KANK1: variants seen among roughly 807,000 people sequenced by gnomAD.
KANK1 encodes the protein KN motif and ankyrin repeat domains 1, also known as KN motif and ankyrin repeat domain-containing protein 1.
In KANK1, 109 loss-of-function variants were observed where a neutral mutation model predicts 106.2. The observed-to-expected ratio is 1.03, with a 90% confidence interval of 0.88 to 1.20. KANK1 has a LOEUF of 1.20. KANK1 is among the 50% of genes most tolerant of loss of function. The pLI is 0.00. For missense variants in KANK1, 2,399 were observed against 1,710.7 expected, an observed-to-expected ratio of 1.40 and a Z score of -7.10; for synonymous variants, 873 against 652.2, an observed-to-expected ratio of 1.34 and a Z score of -5.16.
chr9:744,963 G>T lies in KANK1; in HGVS notation c.3997-210G>T, dbSNP rs1312163810. The T allele has an allele frequency of 8.2e-6, 12 of 1,464,408 alleles. 1 individual carries two copies. The highest frequency in any genetic ancestry group is 2.9e-5 in the South Asian group (2 of 69,814). The allele number at this position is 1,464,408 out of a possible 1,614,324, so 90.7% of individuals were successfully genotyped here. On this transcript the variant is annotated intron_variant, in intron 11 of 11. Coordinates refer to ENST00000382297, the MANE Select transcript of KANK1 (RefSeq NM_015158.5). ...TCCACAGTTCACTCTGAGTGGGAAG[G>T]TGACTTCCCAGGACAGCCGGACATA...
intron 1 of KANK1, among the ~76,000 whole-genome samples, chr9:653,583 G>A (rs190639180): frequency 1.3e-5 from 2 of 152,248 alleles, no homozygotes; most frequent in African/African-American, 4.8e-5. Context: ...ATGCAAGTTT[G>A]CTGAAAACCA....
At chr9:525,072 G>T (rs2059725644) in intron 1 of KANK1, among the ~76,000 whole-genome samples, 1 of 137,362 alleles carries the variant, frequency 7.3e-6, no homozygotes, top group Non-Finnish European at 1.5e-5. Context: ...TCAGCTCACT[G>T]CAACCTCCGC....
intron 1 of KANK1, among the ~76,000 whole-genome samples, chr9:676,307 A>G (rs896763060): frequency 7.2e-5 from 11 of 152,138 alleles, no homozygotes; most frequent in South Asian, 4.1e-4. Context: ...AGTTTATCCA[A>G]CGGCACAGTG....
chr9:513,423 G>C (rs2059120887), intron 1 of KANK1, among the ~76,000 whole-genome samples: 1 of 151,770 alleles, frequency 6.6e-6, no homozygotes, highest in Non-Finnish European at 1.5e-5. Flanking sequence ...GGTGTTTTGG[G>C]TTTTTTCTTT....
intron 9 of KANK1, 93 bp downstream of exon 9, chr9:741,027 C>T (rs903128460): frequency 2.2e-5 from 31 of 1,414,708 alleles, no homozygotes; most frequent in African/African-American, 7.2e-5. Context: ...ATAGATGCCA[C>T]GCTTCCACCA....
intron 2 of KANK1, 59 bp from the exon 3 acceptor site, chr9:710,745 T>C: frequency 6.8e-7 from 1 of 1,463,000 alleles, no homozygotes; most frequent in Non-Finnish European, 9.2e-7. Context: ...ACACAAATAT[T>C]AGTTTTTACC....
intron 3 of KANK1, among the ~76,000 whole-genome samples, chr9:494,170 C>T (rs559849788): frequency 3.9e-5 from 6 of 152,264 alleles, no homozygotes; most frequent in Admixed American, 2.0e-4. Context: ...CATGAGCCAC[C>T]GCACCCAGCA....
chr9:719,804 G>C (rs933267153), intron 3 of KANK1, among the ~76,000 whole-genome samples: 1 of 152,022 alleles, frequency 6.6e-6, no homozygotes, highest in African/African-American at 2.4e-5. Flanking sequence ...AGAGTGCAGT[G>C]GCATGATCCG....
intron 1 of KANK1, among the ~76,000 whole-genome samples, chr9:668,758 G>C (rs1326326330): frequency 6.6e-6 from 1 of 152,128 alleles, no homozygotes; most frequent in African/African-American, 2.4e-5. Flanking sequence ...TTTGGCGCCA[G>C]GGACCAGTTT....
chr9:687,739 C>T (rs1293264845), intron 2 of KANK1, among the ~76,000 whole-genome samples: 1 of 152,174 alleles, frequency 6.6e-6, no homozygotes, highest in Non-Finnish European at 1.5e-5. Context: ...TCAGATACTC[C>T]CAATGGGAGT....
intron 1 of KANK1, among the ~76,000 whole-genome samples, chr9:669,300 C>G (rs1355684432): frequency 2.0e-5 from 3 of 152,074 alleles, no homozygotes; most frequent in Middle Eastern, 3.2e-3. Flanking sequence ...TTGATGTTAC[C>G]TGTAGGTTTT....
intron 3 of KANK1, chr9:477,882 G>A (rs1055117408): frequency 1.3e-5 from 2 of 152,794 alleles, no homozygotes; most frequent in African/African-American, 4.8e-5. Flanking sequence ...ACCCCAATGA[G>A]ATCAGTCATA....
chr9:578,329 CTGTG>C (rs33959144), intron 1 of KANK1, among the ~76,000 whole-genome samples: 14 of 149,722 alleles, frequency 9.4e-5, no homozygotes, highest in Non-Finnish European at 1.9e-4. Context: ...TATTTTTCAA[CTGTG>C]TGTGTGTGTG....
chr9:473,008 A>G (rs2058047451), intron 2 of KANK1, among the ~76,000 whole-genome samples: 1 of 152,238 alleles, frequency 6.6e-6, no homozygotes, highest in Non-Finnish European at 1.5e-5. Flanking sequence ...CTTCATGACA[A>G]ACGGGTATAG....
At chr9:580,055 G>T (rs563686184) in intron 1 of KANK1, among the ~76,000 whole-genome samples, 1 of 152,138 alleles carries the variant, frequency 6.6e-6, no homozygotes, top group African/African-American at 2.4e-5. Flanking sequence ...CTTAAAGATG[G>T]TGTGTCCGAA....
At chr9:600,655 C>T (rs1413234407) in intron 1 of KANK1, among the ~76,000 whole-genome samples, 1 of 151,716 alleles carries the variant, frequency 6.6e-6, no homozygotes, top group Non-Finnish European at 1.5e-5. Flanking sequence ...GCTTCTTGCA[C>T]ACTTGCCCTC....
At chr9:574,480 A>G (rs1186883145) in intron 1 of KANK1, among the ~76,000 whole-genome samples, 1 of 113,372 alleles carries the variant, frequency 8.8e-6, no homozygotes, top group Non-Finnish European at 2.2e-5. Flanking sequence ...TATGTCATTT[A>G]TATGATTGTT....
At chr9:546,556 G>C (rs919049595) in intron 1 of KANK1, among the ~76,000 whole-genome samples, 3 of 152,034 alleles carry the variant, frequency 2.0e-5, no homozygotes, top group Non-Finnish European at 2.9e-5. Context: ...GCTTGTGGCA[G>C]TTTTCACCTT....
chr9:732,740 C>T lies in KANK1; in HGVS notation c.3245+123C>T, dbSNP rs1414130716. The stretch of plus-strand genomic sequence containing the variant: ...CTTTTATCTGTTCCTCAGAGGTATA[C>T]ACATCTTGAGATACTAATATATACA... On this transcript the variant is annotated intron_variant, in intron 6 of 11. Transcript: ENST00000382297. 6 of 1,090,534 alleles carry T rather than the reference C, an allele frequency of 5.5e-6. No individual in the cohort carries two copies. In the East Asian group the frequency reaches 1.2e-4, roughly 22 times the overall value. 67.6% of individuals were successfully genotyped at this position (1,090,534 alleles called of 1,614,324 possible). A position where few individuals can be genotyped will look rare whatever the true frequency, so the allele number is the denominator to read the frequency against.
Sources: gnomAD v4.1 joint callset for allele counts (sites outside exome capture counted in the v4.1 genomes callset) on GRCh38, gnomAD v4.1.1 for gene constraint, MANE v1.5 for transcripts, NCBI Gene and HGNC (gene_info 2026-07-23, HGNC 2026-07-21) for gene names.